PHLDB2: variants seen among roughly 807,000 people sequenced by gnomAD.
The protein encoded by PHLDB2 is pleckstrin homology-like domain family B member 2.
PHLDB2 carries 71 observed loss-of-function variants against 123.6 expected under a neutral mutation model. The ratio of observed to expected loss-of-function variants is 0.57; its 90% confidence interval spans 0.47 to 0.70. The LOEUF (loss-of-function observed/expected upper bound fraction) is 0.70. Among genes scored for constraint, PHLDB2 ranks in the 30% least tolerant of loss-of-function variants. The pLI is 0.00. For synonymous variants in PHLDB2, 547 were observed against 541.6 expected (o/e 1.01, Z -0.14); for missense variants, 1,446 against 1,519.5 (o/e 0.95, Z 0.80).
intron 5 of PHLDB2, among the ~76,000 whole-genome samples, chr3:111,925,452 G>A (rs1317795743): frequency 2.0e-5 from 3 of 152,140 alleles, no homozygotes; most frequent in Admixed American, 2.0e-4. Context: ...TGTGTTCTCG[G>A]ATAGTAGCCA....
At chr3:111,920,544 G>A (rs1435478205) in intron 5 of PHLDB2, 125 bp downstream of exon 5, 3 of 1,193,706 alleles carry the variant, frequency 2.5e-6, no homozygotes, top group South Asian at 1.7e-5. Context: ...GGAGGCAGTG[G>A]CACTAGAGAA....
At chr3:111,927,998 C>G (rs1202973061) in intron 5 of PHLDB2, among the ~76,000 whole-genome samples, 2 of 152,184 alleles carry the variant, frequency 1.3e-5, no homozygotes, top group Non-Finnish European at 2.9e-5. Flanking sequence ...TTTTTAAGAT[C>G]ATTCAAGATT....
chr3:111,872,749 CAGT>C (rs1390827815), intron 1 of PHLDB2, among the ~76,000 whole-genome samples: 6 of 152,188 alleles, frequency 3.9e-5, no homozygotes, highest in African/African-American at 9.7e-5. Flanking sequence ...CAAGAGCTAT[CAGT>C]AGCCGTTGTT....
In PHLDB2 at chr3:111,919,321, C is replaced by A. The variant is rs2068358645; in HGVS notation, c.1863+106C>A. On this transcript the variant is annotated intron_variant, in intron 4 of 17. Coordinates refer to ENST00000431670, the MANE Select transcript of PHLDB2 (RefSeq NM_001134438.2). ...GAGGCCAGATACATAGACGTCAACA[C>A]AAGCAAACATTTATTCAGTGGGTTC... The A allele has an allele frequency of 3.4e-5, 39 of 1,148,396 alleles. No homozygotes were observed. The South Asian group carries it at 4.5e-4, about 13-fold the overall frequency. 71.1% of individuals were successfully genotyped at this position (1,148,396 alleles called of 1,614,324 possible).
intron 1 of PHLDB2, among the ~76,000 whole-genome samples, chr3:111,844,414 A>T (rs1338792682): frequency 6.6e-6 from 1 of 152,184 alleles, no homozygotes; most frequent in Non-Finnish European, 1.5e-5. Context: ...CTGTTCGTAG[A>T]TAATGGCACC....
Position 111,913,388 on chromosome 3 carries a change from A to G in PHLDB2, c.1405A>G (p.Thr469Ala). Reference sequence around the variant, plus strand: ...CACAAAGCCTGACAGTCGCTTATCTACTGGGACCACCGTGGAAGATGTGCA... The same window carrying G: ...CACAAAGCCTGACAGTCGCTTATCTGCTGGGACCACCGTGGAAGATGTGCA... ...EYTKPDSRLSTGTTVEDVQKI... is the reference protein window; with the variant it reads ...EYTKPDSRLSAGTTVEDVQKI... Residue 469 changes from threonine to alanine, a missense_variant, in exon 3 of 18, where the codon ACT becomes GCT. Thr to Ala is a moderately conservative substitution (Grantham distance 58). Transcript: ENST00000431670. The G allele has an allele frequency of 6.2e-7, 1 of 1,614,108 alleles. No individual in the cohort carries two copies. The highest frequency in any genetic ancestry group is 2.2e-5 in the East Asian group (1 of 44,890).
chr3:111,970,755 A>G (rs1008430111), intron 16 of PHLDB2, among the ~76,000 whole-genome samples: 1 of 152,342 alleles, frequency 6.6e-6, no homozygotes, highest in East Asian at 1.9e-4. Context: ...GAGTGGTGTC[A>G]TACCAGATAT....
At chr3:111,911,724 G>GTTCA in intron 2 of PHLDB2, 2 of 1,535,910 alleles carry the variant, frequency 1.3e-6, no homozygotes, top group Non-Finnish European at 1.7e-6. Flanking sequence ...GTGAAAGGGA[G>GTTCA]GTGCGAGCTT....
intron 1 of PHLDB2, among the ~76,000 whole-genome samples, chr3:111,796,407 C>G (rs2061163344): frequency 6.6e-6 from 1 of 152,262 alleles, no homozygotes; most frequent in Non-Finnish European, 1.5e-5. Flanking sequence ...GTTCAAGCTG[C>G]TATCATCCTG....
rs2059606872 is a variant in PHLDB2, at chr3:111,741,646, T to C, written c.-49+8943T>C. Among the ~76,000 whole-genome samples, 5 of 152,286 alleles carry C rather than the reference T, an allele frequency of 3.3e-5. No homozygotes were observed. The South Asian group carries it at 1.0e-3, about 32-fold the overall frequency. ...AAGAAAAATCCTTTGTCTGGACTAT[T>C]TCTGGGTGTTGGTTACACAAAACCT... On this transcript the variant is annotated intron_variant, in intron 1 of 17. Transcript: ENST00000393923.
intron 1 of PHLDB2, among the ~76,000 whole-genome samples, chr3:111,735,323 G>A (rs1005050535): frequency 6.6e-6 from 1 of 152,110 alleles, no homozygotes; most frequent in Admixed American, 6.5e-5. Flanking sequence ...ATGGCTTTTT[G>A]GTGTCATTTG....
intron 1 of PHLDB2, among the ~76,000 whole-genome samples, chr3:111,757,923 G>C (rs368345868): frequency 6.6e-6 from 1 of 152,138 alleles, no homozygotes; most frequent in Admixed American, 6.5e-5. Flanking sequence ...GTGAATTTTC[G>C]TGAACCGCGA....
intron 12 of PHLDB2, chr3:111,958,703 A>T (rs1296474639): frequency 2.2e-6 from 1 of 455,892 alleles, no homozygotes; most frequent in Non-Finnish European, 4.4e-6. Flanking sequence ...GATAGGAAGG[A>T]TTTAGAGCAT....
chr3:111,776,273 G>T (rs1436080300), intron 1 of PHLDB2, among the ~76,000 whole-genome samples: 1 of 152,086 alleles, frequency 6.6e-6, no homozygotes, highest in East Asian at 1.9e-4. Context: ...CAATCAAGTG[G>T]CACTAGGGGA....
At position 111,781,529 on chromosome 3, in the gene PHLDB2, A is replaced by T. The variant is rs1024545485; in HGVS notation, c.-49+48826A>T. Among the ~76,000 whole-genome samples, 3 of 152,072 alleles carry T rather than the reference A, an allele frequency of 2.0e-5. No homozygotes were observed. The East Asian group carries it at 5.8e-4, about 29-fold the overall frequency. The stretch of plus-strand genomic sequence containing the variant: ...TTTTATCAGCATCTCCCCAATAACA[A>T]TGACTTCATCACAATAGCCTTATTC... On this transcript the variant is annotated intron_variant, in intron 1 of 17. Coordinates refer to the PHLDB2 transcript ENST00000393923.
At chr3:111,894,107 G>C (rs1488406028) in intron 2 of PHLDB2, among the ~76,000 whole-genome samples, 2 of 114,864 alleles carry the variant, frequency 1.7e-5, no homozygotes, top group Non-Finnish European at 3.3e-5. Flanking sequence ...TCCCCTTCCT[G>C]TGTCCATGTG....
intron 1 of PHLDB2, among the ~76,000 whole-genome samples, chr3:111,806,966 T>C (rs1485380185): frequency 6.6e-6 from 1 of 151,872 alleles, no homozygotes; most frequent in Non-Finnish European, 1.5e-5. Context: ...GAAGAAGTTC[T>C]AGTTATGGGA....
chr3:111,850,268 T>C (rs1317355984), intron 2 of PHLDB2, among the ~76,000 whole-genome samples: 1 of 151,624 alleles, frequency 6.6e-6, no homozygotes, highest in East Asian at 1.9e-4. Context: ...GTATACAGAG[T>C]GACATAATGG....
Position 111,974,564 on chromosome 3 carries a change from T to A in PHLDB2, c.*1T>A. ...AGGTTACACTCACTTCTTGTTGTAG[T>A]GAACTGAGGCAACAGTCCACTTCAG... On this transcript the variant is annotated 3_prime_UTR_variant, in exon 18 of 18. Transcript: ENST00000431670. 6.2e-7 allele frequency: 1 copy of A among 1,610,054 alleles called. No homozygotes were observed. Among genetic ancestry groups the A allele is most frequent in the Admixed American group, 1.7e-5 (1 of 59,386 alleles).
Sources: allele counts gnomAD v4.1 joint callset (sites outside exome capture counted in the v4.1 genomes callset), GRCh38; gene constraint gnomAD v4.1.1; transcripts MANE v1.5; gene names NCBI Gene and HGNC (gene_info 2026-07-23, HGNC 2026-07-21).